Variants in RAB35 observed in about 807,000 individuals in gnomAD.
RAB35 encodes RAB35, member RAS oncogene family, also known as ras-related protein Rab-35.
In RAB35, 4 loss-of-function variants were observed where a neutral mutation model predicts 28.9. The ratio of observed to expected loss-of-function variants is 0.14; its 90% CI spans 0.07 to 0.32. RAB35 has a LOEUF of 0.32. Among genes scored for constraint, RAB35 ranks in the 10% least tolerant of loss-of-function variants. The pLI is 1.00. For missense variants in RAB35, 128 were observed against 274.0 expected (o/e 0.47, Z 3.76); for synonymous variants, 99 against 105.1 (o/e 0.94, Z 0.35).
At chr12:120,100,446 C>CG (rs1335222340) in intron 3 of RAB35, among the ~76,000 whole-genome samples, 1 of 152,194 alleles carries the variant, frequency 6.6e-6, no homozygotes, top group Non-Finnish European at 1.5e-5. Context: ...TACCCCAAGG[C>CG]GGGGGAGCAG....
intron 1 of RAB35, among the ~76,000 whole-genome samples, chr12:120,112,503 T>A (rs1876159668): frequency 6.6e-6 from 1 of 151,662 alleles, no homozygotes; most frequent in South Asian, 2.1e-4. Context: ...TGATCATAGC[T>A]CATTGCAGTC....
Position 120,108,488 on chromosome 12 carries a change from C to T in RAB35, c.53-21G>A, listed in dbSNP as rs752354192. The T allele has an allele frequency of 1.6e-5, 25 of 1,612,354 alleles. No individual in the cohort carries two copies. In the African/African-American group the frequency reaches 2.1e-4, roughly 14 times the overall value. ...CACACCTGCAAGAGAGAAAGCACTG[C>T]GATGAGGGGGGCAGGTGGGTCCCCT... is the stretch of plus-strand genomic sequence containing the variant. On this transcript the variant is annotated intron_variant, in intron 1 of 5. Coordinates refer to ENST00000229340, the MANE Select transcript of RAB35 (RefSeq NM_006861.7).
intron 1 of RAB35, among the ~76,000 whole-genome samples, chr12:120,116,064 C>T (rs1876319711): frequency 1.3e-5 from 2 of 152,190 alleles, no homozygotes; most frequent in South Asian, 4.1e-4. Flanking sequence ...CTGAGAACGT[C>T]CTCATTTTAG....
intron 2 of RAB35, among the ~76,000 whole-genome samples, chr12:120,104,788 C>T (rs1875806811): frequency 6.6e-6 from 1 of 152,132 alleles, no homozygotes; most frequent in African/African-American, 2.4e-5. Context: ...CATGCGCCAC[C>T]ACGCCCGGCT....
intron 3 of RAB35, among the ~76,000 whole-genome samples, chr12:120,101,188 T>A (rs1408355568): frequency 1.3e-5 from 2 of 152,240 alleles, no homozygotes; most frequent in Non-Finnish European, 2.9e-5. Context: ...TCACAGGGAC[T>A]CTGCTCTAGG....
Position 120,096,950 on chromosome 12 carries a change from T to G in RAB35, c.*295A>C, listed in dbSNP as rs1394688479. On this transcript the variant is annotated 3_prime_UTR_variant, in exon 6 of 6. Transcript: ENST00000229340. ...TGGTGTGCGGCCGGGTAGAGCAATA[T>G]ACACTATGTACAGACTCTGCGAATC... 1 of 1,405,558 alleles carries G rather than the reference T, an allele frequency of 7.1e-7. No homozygotes were observed. Among genetic ancestry groups the G allele is most frequent in the African/African-American group, 1.4e-5 (1 of 70,052 alleles). The allele number at this position is 1,405,558 out of a possible 1,614,324, so 87.1% of individuals were successfully genotyped here.
In RAB35 at chr12:120,096,875, G is replaced by A; in HGVS notation, c.*370C>T. The A allele has an allele frequency of 7.6e-7, 1 of 1,307,364 alleles. No individual in the cohort carries two copies. Among genetic ancestry groups the A allele is most frequent in the South Asian group, 1.2e-5 (1 of 81,178 alleles). 81.0% of individuals were successfully genotyped at this position (1,307,364 alleles called of 1,614,324 possible). On this transcript the variant is annotated 3_prime_UTR_variant, in exon 6 of 6. Transcript: ENST00000229340. The stretch of plus-strand genomic sequence containing the variant: ...ATGGGCTGGGGAGGGGCGCGGGGAG[G>A]GTCTGTTGCAGCAGGCTGGCATCAA...
rs908370904 is a variant in RAB35, at chr12:120,116,633, G to A, written c.18C>T (p.Asp6=). 1.6e-6 allele frequency: 2 copies of A among 1,224,288 alleles called. No homozygotes were observed. Among genetic ancestry groups the A allele is most frequent in the Non-Finnish European group, 2.0e-6 (2 of 983,038 alleles). 75.8% of individuals were successfully genotyped at this position (1,224,288 alleles called of 1,614,324 possible). A position where few individuals can be genotyped will look rare whatever the true frequency, so the allele number is the denominator to read the frequency against. The change falls in exon 1 of 6, where the codon GAC becomes GAT. Residue 6 remains aspartate (D), a synonymous_variant. Transcript: ENST00000229340. The part of the protein sequence containing the change: MARDY[D]HLFKLLIIGD... ...CGATGATGAGCAGCTTGAAGAGGTG[G>A]TCGTAGTCCCGGGCCATGGCGGGCG...
intron 1 of RAB35, among the ~76,000 whole-genome samples, chr12:120,109,273 G>C (rs963830941): frequency 6.6e-6 from 1 of 152,196 alleles, no homozygotes; most frequent in East Asian, 1.9e-4. Context: ...GACCAATATG[G>C]AGAAACCCCG....
chr12:120,106,691 C>T (rs571332417), intron 2 of RAB35, among the ~76,000 whole-genome samples: 14 of 150,310 alleles, frequency 9.3e-5, no homozygotes, highest in South Asian at 8.4e-4. Context: ...CTGGTTCAAG[C>T]GATTCTCCTG....
At chr12:120,113,677 G>C in intron 1 of RAB35, among the ~76,000 whole-genome samples, 1 of 152,138 alleles carries the variant, frequency 6.6e-6, no homozygotes, top group Non-Finnish European at 1.5e-5. Context: ...GATTAGCCGG[G>C]CATGGTGGTG....
chr12:120,096,557 C>A lies in RAB35; in HGVS notation c.*688G>T. 7.8e-7 allele frequency: 1 copy of A among 1,289,754 alleles called. No homozygotes were observed. Among genetic ancestry groups the A allele is most frequent in the African/African-American group, 1.5e-5 (1 of 65,886 alleles). The allele number at this position is 1,289,754 out of a possible 1,614,324, so 79.9% of individuals were successfully genotyped here. Reference sequence around the variant, plus strand: ...TTGGAGCTCAGAGGCATCTAGAAGGCAGGACAAGAAATCTGTTGGCCAAAG... The same window carrying A: ...TTGGAGCTCAGAGGCATCTAGAAGGAAGGACAAGAAATCTGTTGGCCAAAG... On this transcript the variant is annotated 3_prime_UTR_variant, in exon 6 of 6. Coordinates refer to ENST00000229340, the MANE Select transcript of RAB35 (RefSeq NM_006861.7).
chr12:120,106,018 G>A (rs1875857883), intron 2 of RAB35, among the ~76,000 whole-genome samples: 1 of 151,930 alleles, frequency 6.6e-6, no homozygotes, highest in Non-Finnish European at 1.5e-5. Flanking sequence ...AGGGGCCACT[G>A]AGGTTTTTAA....
At chr12:120,112,327 T>C (rs113178021) in intron 1 of RAB35, among the ~76,000 whole-genome samples, 2 of 151,872 alleles carry the variant, frequency 1.3e-5, no homozygotes, top group Admixed American at 6.6e-5. Context: ...GCCACACACA[T>C]GTCTTCCCTT....
At chr12:120,098,315 C>T (rs1875518493) in intron 5 of RAB35, among the ~76,000 whole-genome samples, 1 of 152,278 alleles carries the variant, frequency 6.6e-6, no homozygotes, top group African/African-American at 2.4e-5. Context: ...CGCCCAAGGT[C>T]ATACCAGCCT....
intron 1 of RAB35, among the ~76,000 whole-genome samples, chr12:120,116,355 C>G (rs1876335388): frequency 6.6e-6 from 1 of 152,126 alleles, no homozygotes; most frequent in South Asian, 2.1e-4. Context: ...TGACCAAGGT[C>G]ACACGTGAGG....
At chr12:120,108,895 G>A (rs1412906042) in intron 1 of RAB35, among the ~76,000 whole-genome samples, 1 of 152,250 alleles carries the variant, frequency 6.6e-6, no homozygotes, top group Non-Finnish European at 1.5e-5. Context: ...CCAAAATGAA[G>A]AGCTGTAGAG....
At chr12:120,097,521 AGGT>A (rs1335118618) in intron 5 of RAB35, 148 bp from the exon 6 acceptor site, 8 of 627,274 alleles carry the variant, frequency 1.3e-5, no homozygotes, top group Non-Finnish European at 2.2e-5. Context: ...TTCTAGAAGG[AGGT>A]GGTGAATTAT....
chr12:120,096,804 C>G lies in RAB35; in HGVS notation c.*441G>C. The G allele has an allele frequency of 7.7e-7, 1 of 1,291,770 alleles. No individual in the cohort carries two copies. The highest frequency in any genetic ancestry group is 1.2e-5 in the South Asian group (1 of 81,048). The allele number at this position is 1,291,770 out of a possible 1,614,324, so 80.0% of individuals were successfully genotyped here. On this transcript the variant is annotated 3_prime_UTR_variant, in exon 6 of 6. Transcript: ENST00000229340. ...CACTGGCACGGGCTGGCCGCAGACG[C>G]AGCTAGAACGTGCCGCTGTCTCCTC...
Sources: allele counts gnomAD v4.1 joint callset (sites outside exome capture counted in the v4.1 genomes callset), GRCh38; gene constraint gnomAD v4.1.1; transcripts MANE v1.5; gene names NCBI Gene and HGNC (gene_info 2026-07-23, HGNC 2026-07-21).